Variants in DIAPH3 observed in about 807,000 individuals in gnomAD.
DIAPH3 encodes the protein protein diaphanous homolog 3.
DIAPH3 carries 117 observed loss-of-function variants against 144.3 expected under a neutral mutation model. The ratio of observed to expected loss-of-function variants is 0.81; its 90% confidence interval spans 0.70 to 0.95. The LOEUF is 0.95. Among genes scored for constraint, DIAPH3 ranks in the 40% least tolerant of loss-of-function variants. The pLI is 0.00. For synonymous variants in DIAPH3, 519 were observed against 488.9 expected (o/e 1.06, Z -0.81); for missense variants, 1,421 against 1,412.7 (o/e 1.01, Z -0.09).
intron 17 of DIAPH3, among the ~76,000 whole-genome samples, chr13:59,947,367 G>C (rs2048851941): frequency 6.6e-6 from 1 of 152,048 alleles, no homozygotes. Context: ...AACTCTGCAT[G>C]GTCCACCGCC....
chr13:60,074,076 A>G (rs754305648), intron 4 of DIAPH3, among the ~76,000 whole-genome samples: 1 of 152,170 alleles, frequency 6.6e-6, no homozygotes, highest in Non-Finnish European at 1.5e-5. Context: ...ACAGTAGGAG[A>G]TGCTTGTTGC....
intron 27 of DIAPH3, among the ~76,000 whole-genome samples, chr13:59,766,245 G>A (rs1479977560): frequency 1.3e-5 from 2 of 152,072 alleles, no homozygotes; most frequent in Non-Finnish European, 2.9e-5. Context: ...AGGCACCTTG[G>A]CTACTTTTCT....
intron 9 of DIAPH3, among the ~76,000 whole-genome samples, chr13:60,000,580 A>G (rs1237533805): frequency 6.6e-6 from 1 of 152,188 alleles, no homozygotes; most frequent in African/African-American, 2.4e-5. Context: ...AGAGTATACT[A>G]AAATCAGATA....
At chr13:59,980,396 T>A (rs567643824) in intron 14 of DIAPH3, among the ~76,000 whole-genome samples, 2 of 151,610 alleles carry the variant, frequency 1.3e-5, no homozygotes, top group African/African-American at 4.8e-5. Flanking sequence ...TTTTGCTCCA[T>A]CATCCACTCA....
At chr13:59,692,193 T>G (rs531734073) in intron 27 of DIAPH3, among the ~76,000 whole-genome samples, 11 of 145,684 alleles carry the variant, frequency 7.6e-5, no homozygotes, top group African/African-American at 2.8e-4. Flanking sequence ...TTACTCTTGA[T>G]AGCTTAGCTA....
chr13:60,136,711 G>A (rs56246925), intron 1 of DIAPH3, among the ~76,000 whole-genome samples: 6,771 of 151,952 alleles, frequency 0.045, 197 homozygotes, highest in East Asian at 0.1. Flanking sequence ...AGAGGCGGGC[G>A]GATCACGAGG....
At chr13:59,828,295 A>G (rs1225598230) in intron 24 of DIAPH3, among the ~76,000 whole-genome samples, 2 of 152,020 alleles carry the variant, frequency 1.3e-5, no homozygotes, top group African/African-American at 2.4e-5. Context: ...TTAAAAGAAC[A>G]CATTTCATGT....
At chr13:59,944,793 A>AG (rs1566552928) in intron 17 of DIAPH3, among the ~76,000 whole-genome samples, 4 of 96,038 alleles carry the variant, frequency 4.2e-5, no homozygotes, top group African/African-American at 6.3e-5. Flanking sequence ...GTTAGAAAAA[A>AG]AGGGGGGGGG....
intron 22 of DIAPH3, among the ~76,000 whole-genome samples, chr13:59,854,255 T>G (rs1295698323): frequency 6.6e-6 from 1 of 152,190 alleles, no homozygotes; most frequent in Admixed American, 6.5e-5. Flanking sequence ...CTTCTGAAGA[T>G]GCCAACCCTA....
intron 27 of DIAPH3, among the ~76,000 whole-genome samples, chr13:59,682,523 T>C (rs1245334340): frequency 6.6e-6 from 1 of 152,180 alleles, no homozygotes; most frequent in Non-Finnish European, 1.5e-5. Flanking sequence ...TAGCATATAG[T>C]TTTCTCTCAC....
chr13:60,130,873 G>A lies in DIAPH3; in HGVS notation c.213+2084C>T, dbSNP rs116954181. The stretch of plus-strand genomic sequence containing the variant: ...AAGGGAGAGGTGAGGAATGGGGGAA[G>A]GTCAGAGAAAGAACTAAGAAAGTCC... On this transcript the variant is annotated intron_variant, in intron 2 of 27. Transcript: ENST00000400324. 1.6e-4 allele frequency among the ~76,000 whole-genome samples: 24 copies of A among 152,210 alleles called. No homozygotes were observed. The East Asian group carries it at 4.6e-3, about 29-fold the overall frequency.
chr13:59,839,470 G>T (rs1372967058), intron 22 of DIAPH3, 22 bp from the exon 23 acceptor site: 1 of 1,609,436 alleles, frequency 6.2e-7, no homozygotes, highest in Admixed American at 1.7e-5. Context: ...TATATTAAAT[G>T]CCCGGAAAGG....
At chr13:60,064,542 C>G (rs1218075391) in intron 4 of DIAPH3, among the ~76,000 whole-genome samples, 1 of 152,202 alleles carries the variant, frequency 6.6e-6, no homozygotes, top group Admixed American at 6.5e-5. Context: ...TTCCTCACCT[C>G]TCTCAGCCTT....
chr13:59,708,974 A>G (rs985545807), intron 27 of DIAPH3, among the ~76,000 whole-genome samples: 2 of 152,200 alleles, frequency 1.3e-5, no homozygotes, highest in Non-Finnish European at 1.5e-5. Flanking sequence ...ATAAAGATGA[A>G]TAAAGAAACT....
At chr13:59,720,638 T>C (rs342577) in intron 27 of DIAPH3, among the ~76,000 whole-genome samples, 117,129 of 151,970 alleles carry the variant, frequency 0.77, 45,241 homozygotes, top group East Asian at 0.88. Context: ...AATAAAATGC[T>C]GTAAAATATA....
chr13:60,162,885 T>C lies in DIAPH3; in HGVS notation c.180+702A>G, dbSNP rs1198357379. ...CTAAGGAAAATGGTGGAGTGGTCAA[T>C]GTGAAATTTCAATTCTGTTGGACTC... On this transcript the variant is annotated intron_variant, in intron 1 of 27. Coordinates refer to ENST00000400324, the MANE Select transcript of DIAPH3 (RefSeq NM_001042517.2). Among the ~76,000 whole-genome samples the C allele has an allele frequency of 2.0e-5, 3 of 151,262 alleles. No homozygotes were observed. In the South Asian group the frequency reaches 6.3e-4, roughly 32 times the overall value.
chr13:59,914,357 C>A (rs191249207), intron 19 of DIAPH3, among the ~76,000 whole-genome samples: 1 of 152,026 alleles, frequency 6.6e-6, no homozygotes, highest in Admixed American at 6.5e-5. Context: ...ATATTAAAAC[C>A]TTATATATGT....
intron 27 of DIAPH3, among the ~76,000 whole-genome samples, chr13:59,703,451 T>G (rs992559760): frequency 2.6e-5 from 4 of 152,234 alleles, no homozygotes; most frequent in Non-Finnish European, 4.4e-5. Flanking sequence ...CAGCATCTTT[T>G]TTTGCTCTCT....
intron 27 of DIAPH3, among the ~76,000 whole-genome samples, chr13:59,713,648 A>T (rs2034873076): frequency 8.4e-6 from 1 of 119,432 alleles, no homozygotes; most frequent in Non-Finnish European, 1.8e-5. Context: ...AAATTACTAT[A>T]GGTAAGAAGC....
Sources: gnomAD v4.1 joint callset for allele counts (sites outside exome capture counted in the v4.1 genomes callset) on GRCh38, gnomAD v4.1.1 for gene constraint, MANE v1.5 for transcripts, NCBI Gene and HGNC (gene_info 2026-07-23, HGNC 2026-07-21) for gene names.